ARB2A: variants seen among roughly 807,000 people sequenced by gnomAD.
ARB2A encodes ARB2 cotranscriptional regulator A.
chr5:94,096,963 A>G, the ARB2A span, among the ~76,000 whole-genome samples: 1 of 152,174 alleles, frequency 6.6e-6, no homozygotes, highest in Non-Finnish European at 1.5e-5. Context: ...TGCTAGCTAC[A>G]GGAGACTCAA....
the ARB2A span, among the ~76,000 whole-genome samples, chr5:94,027,022 C>T: frequency 6.6e-6 from 1 of 152,168 alleles, no homozygotes; most frequent in Non-Finnish European, 1.5e-5. Flanking sequence ...GTTACTGTTT[C>T]AAGGATGCTG....
At chr5:93,813,025 T>C in the ARB2A span, among the ~76,000 whole-genome samples, 63 of 152,272 alleles carry the variant, frequency 4.1e-4, no homozygotes, top group Admixed American at 4.1e-3. Context: ...AATGAGAACA[T>C]GGCTATAGGC....
chr5:93,683,618 C>A, the ARB2A span: 63 of 1,514,226 alleles, frequency 4.2e-5, no homozygotes, highest in Non-Finnish European at 5.3e-5. Context: ...TCATCATTAT[C>A]CACCTTAAAG....
At chr5:94,011,272 T>A in the ARB2A span, among the ~76,000 whole-genome samples, 2 of 152,174 alleles carry the variant, frequency 1.3e-5, no homozygotes, top group Non-Finnish European at 2.9e-5. Context: ...TGCTTGGATT[T>A]TTTCTCTATA....
the ARB2A span, among the ~76,000 whole-genome samples, chr5:93,970,722 T>C: frequency 6.6e-6 from 1 of 152,106 alleles, no homozygotes; most frequent in African/African-American, 2.4e-5. Flanking sequence ...ACTTAAGTGA[T>C]AATAACACTC....
At chr5:93,690,666 G>A in the ARB2A span, among the ~76,000 whole-genome samples, 2 of 152,292 alleles carry the variant, frequency 1.3e-5, no homozygotes, top group African/African-American at 4.8e-5. Context: ...TGGCTCTGAA[G>A]AGAGCAGCAG....
the ARB2A span, chr5:93,865,971 A>T: frequency 3.0e-6 from 3 of 985,472 alleles, no homozygotes; most frequent in Non-Finnish European, 3.6e-6. Flanking sequence ...GGTTGCTAGT[A>T]AGAATTATGT....
the ARB2A span, among the ~76,000 whole-genome samples, chr5:93,980,729 G>A: frequency 6.6e-6 from 1 of 151,770 alleles, no homozygotes. Context: ...TATTTAAGTA[G>A]GCTGTTGAAT....
At chr5:94,014,198 A>G in the ARB2A span, among the ~76,000 whole-genome samples, 760 of 152,300 alleles carry the variant, frequency 5.0e-3, 5 homozygotes, top group African/African-American at 0.017. Flanking sequence ...TCAGTATCAC[A>G]CTGTAGGAGG....
At chr5:93,997,661 C>T in the ARB2A span, among the ~76,000 whole-genome samples, 4 of 151,886 alleles carry the variant, frequency 2.6e-5, no homozygotes, top group Non-Finnish European at 4.4e-5. Flanking sequence ...GTTCAAATAC[C>T]TCTGCAATGT....
chr5:93,740,735 T>C, the ARB2A span: 1 of 1,612,868 alleles, frequency 6.2e-7, no homozygotes, highest in Admixed American at 1.7e-5. Flanking sequence ...GTCCCCACAA[T>C]CTCCCGTGGG....
At chr5:93,647,712 TG>T in the ARB2A span, among the ~76,000 whole-genome samples, 3 of 152,120 alleles carry the variant, frequency 2.0e-5, no homozygotes, top group Admixed American at 6.5e-5. Context: ...TTAGTAGAGA[TG>T]GGGTTTTGCC....
At chr5:94,106,663 G>A in the ARB2A span, among the ~76,000 whole-genome samples, 1 of 151,792 alleles carries the variant, frequency 6.6e-6, no homozygotes, top group African/African-American at 2.4e-5. Flanking sequence ...CTAATAAAAA[G>A]ACAACATGTA....
the ARB2A span, among the ~76,000 whole-genome samples, chr5:93,651,931 A>G: frequency 6.6e-6 from 1 of 152,182 alleles, no homozygotes; most frequent in Non-Finnish European, 1.5e-5. Context: ...TGTTAAAAAC[A>G]TTACAAAAGG....
At chr5:93,726,318 ATGCCC>A in the ARB2A span, among the ~76,000 whole-genome samples, 1 of 151,958 alleles carries the variant, frequency 6.6e-6, no homozygotes, top group South Asian at 2.1e-4. Context: ...CTATAATACC[ATGCCC>A]TACCCCCAAC....
the ARB2A span, among the ~76,000 whole-genome samples, chr5:93,970,726 A>G: frequency 2.6e-5 from 4 of 152,200 alleles, no homozygotes; most frequent in Non-Finnish European, 5.9e-5. Context: ...AAGTGATAAT[A>G]ACACTCTGTT....
chr5:93,875,551 T>C, the ARB2A span, among the ~76,000 whole-genome samples: 2 of 152,124 alleles, frequency 1.3e-5, no homozygotes, highest in African/African-American at 2.4e-5. Flanking sequence ...ATTTTTAACC[T>C]CATCTCCATA....
At chr5:93,919,158 A>G in the ARB2A span, among the ~76,000 whole-genome samples, 1 of 152,226 alleles carries the variant, frequency 6.6e-6, no homozygotes, top group Admixed American at 6.5e-5. Context: ...ATATAAATTT[A>G]CTTCAACTGT....
chr5:93,709,703 A>G, the ARB2A span, among the ~76,000 whole-genome samples: 7 of 151,008 alleles, frequency 4.6e-5, no homozygotes, highest in Non-Finnish European at 5.9e-5. Flanking sequence ...GATTATATAT[A>G]TTTAGTTTTA....
Sources: gnomAD v4.1 joint callset for allele counts (sites outside exome capture counted in the v4.1 genomes callset) on GRCh38, gnomAD v4.1.1 for gene constraint, MANE v1.5 for transcripts, NCBI Gene and HGNC (gene_info 2026-07-23, HGNC 2026-07-21) for gene names.